The following UBE4B variants were observed in gnomAD, a reference collection of about 807,000 sequenced individuals.
UBE4B encodes ubiquitin conjugation factor E4 B.
Under a neutral mutation model 148.1 loss-of-function variants are expected in UBE4B, and 27 were observed. The ratio of observed to expected loss-of-function variants is 0.18; its 90% CI spans 0.13 to 0.25. UBE4B has a LOEUF of 0.25. Among genes scored for constraint, UBE4B ranks in the 10% least tolerant of loss-of-function variants. The probability of loss-of-function intolerance (pLI) is 1.00; values close to 1 mark genes in which losing one functional copy is unlikely to be tolerated. For synonymous variants in UBE4B, 596 were observed against 619.3 expected (o/e 0.96, Z 0.56); for missense variants, 1,170 against 1,662.4 (o/e 0.70, Z 5.15).
At position 10,145,030 on chromosome 1, in the gene UBE4B, T is replaced by C; in HGVS notation, c.2454T>C (p.Thr818=). Residue 818 remains threonine (T), a synonymous_variant, in exon 18 of 28, where the codon ACT becomes ACC. Coordinates refer to ENST00000343090, the MANE Select transcript of UBE4B (RefSeq NM_001105562.3). ...RHREMLKRCK[T]QLKKLVRCKA... is the part of the protein sequence containing the mutation. ...GCGAAATGCTGAAGCGCTGTAAAAC[T>C]CAGCTTAAGGTTTGTATAGCTAAGT... 1 of 1,613,292 alleles carries C rather than the reference T, an allele frequency of 6.2e-7. No homozygotes were observed. Among genetic ancestry groups the C allele is most frequent in the Non-Finnish European group, 8.5e-7 (1 of 1,179,482 alleles).
At chr1:10,139,476 T>A (rs1486633111) in intron 17 of UBE4B, among the ~76,000 whole-genome samples, 1 of 152,190 alleles carries the variant, frequency 6.6e-6, no homozygotes, top group Non-Finnish European at 1.5e-5. Context: ...AGAATTATGT[T>A]GTTTCTTCCT....
intron 1 of UBE4B, among the ~76,000 whole-genome samples, chr1:10,069,941 A>C (rs1644455793): frequency 6.6e-6 from 1 of 152,160 alleles, no homozygotes; most frequent in Non-Finnish European, 1.5e-5. Context: ...AATTTGAATT[A>C]GAAATCAAGC....
At position 10,094,648 on chromosome 1, in the gene UBE4B, A is replaced by C. The variant is rs546967922; in HGVS notation, c.212-813A>C. ...ACGGGGTTTCACCATGTTAGCCAGG[A>C]TGGTCTCAATCTCCTGACCTTGTGA... is the stretch of plus-strand genomic sequence containing the variant. On this transcript the variant is annotated intron_variant, in intron 2 of 27. Transcript: ENST00000343090. Among the ~76,000 whole-genome samples, 22 of 151,776 alleles carry C rather than the reference A, an allele frequency of 1.4e-4. No individual in the cohort carries two copies. The South Asian group carries it at 2.1e-3, about 14-fold the overall frequency.
At chr1:10,100,989 A>G (rs1645001653) in intron 3 of UBE4B, 119 bp from the exon 4 acceptor site, 1 of 795,762 alleles carries the variant, frequency 1.3e-6, no homozygotes, top group South Asian at 1.8e-5. Context: ...AAGATGGACC[A>G]TTATCATTTT....
chr1:10,156,799 ATTATC>A (rs948057829), intron 21 of UBE4B, among the ~76,000 whole-genome samples: 15 of 152,324 alleles, frequency 9.8e-5, no homozygotes, highest in Admixed American at 5.2e-4. Flanking sequence ...ATAGGTGTTA[ATTATC>A]TTATTTTATT....
Position 10,103,399 on chromosome 1 carries a change from CTTTATTTATTTATTTATTTATTTA to C in UBE4B, c.580+335_580+358del, listed in dbSNP as rs149354050. On this transcript the variant is annotated intron_variant, in intron 5 of 27. Coordinates refer to ENST00000343090, the MANE Select transcript of UBE4B (RefSeq NM_001105562.3). ...GAAGGTGCTTAGAGCATTACCTCCT[CTTTATTTATTTATTTATTTATTTA>C]TTTATTTATTTATTTATTTATTTAT... Among the ~76,000 whole-genome samples, 225 of 135,548 alleles carry C rather than the reference CTTTATTTATTTATTTATTTATTTA, an allele frequency of 1.7e-3. 1 individual carries two copies. Among genetic ancestry groups the C allele is most frequent in the African/African-American group, 5.0e-3 (183 of 36,822 alleles). The allele number at this position is 135,548 out of a possible 152,430, so 88.9% of individuals were successfully genotyped here. A position where few individuals can be genotyped will look rare whatever the true frequency, so the allele number is the denominator to read the frequency against.
chr1:10,122,296 A>G (rs1409300067), intron 10 of UBE4B, among the ~76,000 whole-genome samples: 1 of 152,206 alleles, frequency 6.6e-6, no homozygotes, highest in Non-Finnish European at 1.5e-5. Context: ...CTTCTAAACA[A>G]GGTCTGCACT....
intron 1 of UBE4B, among the ~76,000 whole-genome samples, chr1:10,045,984 C>T (rs561010035): frequency 3.9e-5 from 6 of 152,302 alleles, no homozygotes; most frequent in Non-Finnish European, 5.9e-5. Flanking sequence ...GGTAGGAGGC[C>T]GGGGCTGGTA....
intron 25 of UBE4B, among the ~76,000 whole-genome samples, chr1:10,175,410 G>A (rs1646404683): frequency 6.6e-6 from 1 of 152,108 alleles, no homozygotes; most frequent in Non-Finnish European, 1.5e-5. Flanking sequence ...CCAGCACTTT[G>A]GGAGGCCAAG....
chr1:10,130,985 G>A (rs1197372261), intron 14 of UBE4B, among the ~76,000 whole-genome samples, 172 bp downstream of exon 14: 1 of 152,216 alleles, frequency 6.6e-6, no homozygotes, highest in Non-Finnish European at 1.5e-5. Context: ...TGAATAACAG[G>A]TTGTAACAAC....
At chr1:10,164,352 A>C (rs1319142706) in intron 23 of UBE4B, among the ~76,000 whole-genome samples, 3 of 151,976 alleles carry the variant, frequency 2.0e-5, no homozygotes, top group Non-Finnish European at 4.4e-5. Flanking sequence ...CGTCTCAAAA[A>C]AGAAAAAAAA....
chr1:10,087,024 C>A (rs759470061), intron 2 of UBE4B, among the ~76,000 whole-genome samples: 4 of 152,148 alleles, frequency 2.6e-5, no homozygotes, highest in Non-Finnish European at 5.9e-5. Context: ...AAGACCAGAG[C>A]AGATGTTGTG....
At chr1:10,132,835 C>A (rs1197003520) in intron 15 of UBE4B, among the ~76,000 whole-genome samples, 1 of 152,144 alleles carries the variant, frequency 6.6e-6, no homozygotes, top group Non-Finnish European at 1.5e-5. Flanking sequence ...ATTGTAGTGG[C>A]TGAGAAAAGA....
intron 2 of UBE4B, among the ~76,000 whole-genome samples, chr1:10,073,749 A>C (rs1413427314): frequency 6.6e-6 from 1 of 151,902 alleles, no homozygotes; most frequent in Non-Finnish European, 1.5e-5. Context: ...CAACAACATC[A>C]AATTCATGAT....
At chr1:10,115,304 C>A (rs1357482209) in intron 7 of UBE4B, among the ~76,000 whole-genome samples, 1 of 151,396 alleles carries the variant, frequency 6.6e-6, no homozygotes, top group Non-Finnish European at 1.5e-5. Flanking sequence ...TAGTCGCTCT[C>A]TTGCCCAGGC....
intron 14 of UBE4B, among the ~76,000 whole-genome samples, chr1:10,131,677 C>G (rs767062260): frequency 2.7e-4 from 41 of 152,118 alleles, no homozygotes; most frequent in Non-Finnish European, 4.7e-4. Context: ...TCCTGGCCAA[C>G]ATGGTGAAAC....
At chr1:10,124,492 C>G (rs1645461068) in intron 10 of UBE4B, among the ~76,000 whole-genome samples, 1 of 152,154 alleles carries the variant, frequency 6.6e-6, no homozygotes, top group Admixed American at 6.5e-5. Flanking sequence ...CTGGCCCAGA[C>G]CTGTTTGTTT....
intron 21 of UBE4B, among the ~76,000 whole-genome samples, chr1:10,151,772 G>A (rs1254063977): frequency 2.0e-5 from 3 of 152,104 alleles, no homozygotes; most frequent in Non-Finnish European, 4.4e-5. Context: ...ACTGGTCTCT[G>A]ATGATTCAGC....
intron 15 of UBE4B, 76 bp from the exon 16 acceptor site, chr1:10,134,912 G>A: frequency 7.7e-7 from 1 of 1,291,188 alleles, no homozygotes; most frequent in Non-Finnish European, 1.1e-6. Context: ...TCCAGCCTGG[G>A]CAACAGAGTG....
Sources: allele counts gnomAD v4.1 joint callset (sites outside exome capture counted in the v4.1 genomes callset), GRCh38; gene constraint gnomAD v4.1.1; transcripts MANE v1.5; gene names NCBI Gene and HGNC (gene_info 2026-07-23, HGNC 2026-07-21).